DPP10: variants seen among roughly 807,000 people sequenced by gnomAD.
DPP10 encodes dipeptidyl peptidase like 10.
Under a neutral mutation model 120.9 loss-of-function variants are expected in DPP10, and 33 were observed. The ratio of observed to expected loss-of-function variants is 0.27; its 90% CI spans 0.21 to 0.37. The LOEUF is 0.37. Ranked by LOEUF, DPP10 falls within the 10% of genes least tolerant of loss-of-function variation. The pLI is 1.00. For synonymous variants in DPP10, 337 were observed against 326.1 expected, an observed-to-expected ratio of 1.03 and a Z score of -0.36; for missense variants, 816 against 942.8, an observed-to-expected ratio of 0.87 and a Z score of 1.76.
At chr2:115,485,884 T>C (rs1452423475) in intron 3 of DPP10, among the ~76,000 whole-genome samples, 1 of 152,124 alleles carries the variant, frequency 6.6e-6, no homozygotes, top group Non-Finnish European at 1.5e-5. Flanking sequence ...TTTATTTTTC[T>C]TTCTATAATG....
intron 12 of DPP10, among the ~76,000 whole-genome samples, chr2:115,763,898 T>C (rs1423847412): frequency 6.6e-6 from 1 of 152,162 alleles, no homozygotes; most frequent in African/African-American, 2.4e-5. Context: ...TTTTCTCCAG[T>C]CTAGCTACAT....
intron 5 of DPP10, among the ~76,000 whole-genome samples, chr2:115,624,659 T>G (rs1310932603): frequency 2.0e-5 from 3 of 152,226 alleles, no homozygotes; most frequent in Non-Finnish European, 4.4e-5. Context: ...AATACTTATT[T>G]CAGTTATTGT....
chr2:115,103,096 A>G (rs1283797678), intron 1 of DPP10, among the ~76,000 whole-genome samples: 1 of 152,160 alleles, frequency 6.6e-6, no homozygotes, highest in East Asian at 1.9e-4. Context: ...ATAACTTAAT[A>G]CATAAAAATC....
rs149702948 is a variant in DPP10 at position 114,723,009 on chromosome 2, C to T, written c.60+280171C>T. On this transcript the variant is annotated intron_variant, in intron 1 of 25. Coordinates refer to ENST00000410059, the MANE Select transcript of DPP10 (RefSeq NM_020868.6). ...TTGTCAGTGGAACTCAGACATGGGG[C>T]ACTTAAGCTATCAAGGATGGAAGTG... Among the ~76,000 whole-genome samples, 339 of 152,098 alleles carry T rather than the reference C, an allele frequency of 2.2e-3. 6 individuals carry two copies. Among genetic ancestry groups the T allele is most frequent in the Admixed American group, 0.02 (307 of 15,266 alleles).
At chr2:114,760,461 T>G (rs1452911094) in intron 1 of DPP10, among the ~76,000 whole-genome samples, 4 of 152,084 alleles carry the variant, frequency 2.6e-5, no homozygotes, top group Admixed American at 2.6e-4. Context: ...AAGCAGGTCT[T>G]CATTGAACAA....
rs145253437 is a variant in DPP10, at chr2:115,419,289, A to C, written c.271+75377A>C. ...TTCATCAGAACACAGATGTCAGTGA[A>C]GCCTTGGCTCCTGGTTCCGCAGACT... On this transcript the variant is annotated intron_variant, in intron 3 of 25. Coordinates refer to ENST00000410059, the MANE Select transcript of DPP10 (RefSeq NM_020868.6). 1.1e-3 allele frequency among the ~76,000 whole-genome samples: 169 copies of C among 152,320 alleles called. 1 individual carries two copies. The highest frequency in any genetic ancestry group is 4.0e-3 in the African/African-American group (166 of 41,580).
intron 1 of DPP10, among the ~76,000 whole-genome samples, chr2:114,583,790 C>T (rs1036292751): frequency 2.0e-5 from 3 of 152,162 alleles, no homozygotes; most frequent in African/African-American, 7.2e-5. Context: ...TATTTTCTCT[C>T]ATATAAGATA....
intron 3 of DPP10, among the ~76,000 whole-genome samples, chr2:115,441,799 T>C (rs771708955): frequency 6.0e-5 from 9 of 150,430 alleles, no homozygotes; most frequent in Admixed American, 1.3e-4. Flanking sequence ...TCAAGACAAG[T>C]TTCTTTTTTC....
chr2:115,558,052 C>T (rs928038003), intron 5 of DPP10, among the ~76,000 whole-genome samples: 3 of 152,112 alleles, frequency 2.0e-5, no homozygotes, highest in African/African-American at 7.2e-5. Flanking sequence ...ATATTGTATA[C>T]ATTACATGTA....
intron 1 of DPP10, among the ~76,000 whole-genome samples, chr2:114,461,205 T>C (rs914225173): frequency 4.6e-5 from 7 of 152,192 alleles, no homozygotes; most frequent in East Asian, 1.9e-4. Context: ...TTGAGTTCCA[T>C]ATGATTTTCA....
chr2:114,574,362 G>A (rs550714460), intron 1 of DPP10, among the ~76,000 whole-genome samples: 3 of 152,134 alleles, frequency 2.0e-5, no homozygotes, highest in African/African-American at 4.8e-5. Context: ...GCCCTGCACA[G>A]CGTCAGCGCC....
At chr2:114,504,886 T>C (rs1255193608) in intron 1 of DPP10, among the ~76,000 whole-genome samples, 1 of 151,652 alleles carries the variant, frequency 6.6e-6, no homozygotes, top group Non-Finnish European at 1.5e-5. Flanking sequence ...ACCCCATTTC[T>C]ACTAAAAATA....
intron 1 of DPP10, among the ~76,000 whole-genome samples, chr2:115,229,427 TTA>T (rs2057618742): frequency 6.6e-6 from 1 of 152,134 alleles, no homozygotes; most frequent in Non-Finnish European, 1.5e-5. Context: ...TGCTTGTTGA[TTA>T]TTACTCAAGA....
chr2:115,329,949 A>C (rs954924815), intron 2 of DPP10, among the ~76,000 whole-genome samples: 3 of 152,114 alleles, frequency 2.0e-5, no homozygotes, highest in Admixed American at 1.3e-4. Flanking sequence ...TTGGGTATGT[A>C]CCCAGTAATG....
At chr2:115,173,798 A>C (rs1201925588) in intron 1 of DPP10, among the ~76,000 whole-genome samples, 1 of 152,162 alleles carries the variant, frequency 6.6e-6, no homozygotes, top group African/African-American at 2.4e-5. Flanking sequence ...ATATATTCTG[A>C]AGGAATCTTA....
chr2:115,609,694 G>C (rs1201652427), intron 5 of DPP10, among the ~76,000 whole-genome samples: 1 of 152,108 alleles, frequency 6.6e-6, no homozygotes, highest in Non-Finnish European at 1.5e-5. Flanking sequence ...TGTCATTACA[G>C]AGAATAGTAA....
At chr2:114,985,449 C>T (rs901120899) in intron 1 of DPP10, among the ~76,000 whole-genome samples, 4 of 152,362 alleles carry the variant, frequency 2.6e-5, no homozygotes, top group African/African-American at 9.6e-5. Context: ...GTATTGTCTG[C>T]TCCAGTAGAC....
At chr2:114,670,521 G>A (rs1389489618) in intron 1 of DPP10, among the ~76,000 whole-genome samples, 1 of 151,838 alleles carries the variant, frequency 6.6e-6, no homozygotes, top group Admixed American at 6.6e-5. Flanking sequence ...CACACTCTGG[G>A]GACTGTTGTG....
intron 1 of DPP10, among the ~76,000 whole-genome samples, chr2:115,137,804 A>G (rs990391838): frequency 3.3e-5 from 5 of 152,178 alleles, no homozygotes; most frequent in African/African-American, 1.2e-4. Flanking sequence ...ACAGCCAAGT[A>G]CCTTCTAGGT....
Sources: gnomAD v4.1 joint callset for allele counts (sites outside exome capture counted in the v4.1 genomes callset) on GRCh38, gnomAD v4.1.1 for gene constraint, MANE v1.5 for transcripts, NCBI Gene and HGNC (gene_info 2026-07-23, HGNC 2026-07-21) for gene names.